Variants in KDM4C observed in about 807,000 individuals in gnomAD.
KDM4C encodes the protein lysine demethylase 4C.
A neutral mutation model predicts 129.3 loss-of-function variants in KDM4C; 81 were observed. The observed-to-expected ratio is 0.63, with a 90% CI of 0.52 to 0.75. KDM4C has a LOEUF of 0.75. Among genes scored for constraint, KDM4C ranks in the 30% least tolerant of loss-of-function variants. The probability of loss-of-function intolerance (pLI) is 0.00; values close to 1 mark genes in which losing one functional copy is unlikely to be tolerated. For missense variants in KDM4C, 1,457 were observed against 1,304.0 expected (o/e 1.12, Z -1.81); for synonymous variants, 573 against 456.1 (o/e 1.26, Z -3.26).
At position 6,831,342 on chromosome 9, in the gene KDM4C, C is replaced by T. The variant is rs570975006; in HGVS notation, c.435+16597C>T. Among the ~76,000 whole-genome samples, 38 of 151,650 alleles carry T rather than the reference C, an allele frequency of 2.5e-4. No homozygotes were observed. In the South Asian group the frequency reaches 7.7e-3, roughly 31 times the overall value. ...ACCCATACTCCTCCCAATTCTTCTG[C>T]TTTCTTTATGATGAGATCTTTTTTA... On this transcript the variant is annotated intron_variant, in intron 4 of 21. Transcript: ENST00000381309.
At chr9:6,965,059 A>C (rs1259007738) in intron 8 of KDM4C, among the ~76,000 whole-genome samples, 1 of 152,010 alleles carries the variant, frequency 6.6e-6, no homozygotes, top group East Asian at 1.9e-4. Flanking sequence ...TTGAATGCGA[A>C]AGTTTAGAAA....
At chr9:7,142,871 G>T (rs1841888503) in intron 19 of KDM4C, among the ~76,000 whole-genome samples, 1 of 152,088 alleles carries the variant, frequency 6.6e-6, no homozygotes, top group Non-Finnish European at 1.5e-5. Flanking sequence ...GTGTGTGTGT[G>T]TGTACACACA....
chr9:6,738,752 C>T (rs1588048320), intron 1 of KDM4C, among the ~76,000 whole-genome samples: 1 of 151,050 alleles, frequency 6.6e-6, no homozygotes, highest in African/African-American at 2.4e-5. Flanking sequence ...ACTAATTTTT[C>T]TTTTCTTTTC....
At chr9:7,167,537 A>T (rs190475771) in intron 20 of KDM4C, among the ~76,000 whole-genome samples, 1 of 152,370 alleles carries the variant, frequency 6.6e-6, no homozygotes, top group Non-Finnish European at 1.5e-5. Context: ...TTCTGCTCAA[A>T]CAAGGCCAGG....
chr9:6,752,003 C>G (rs1818076133), intron 1 of KDM4C, among the ~76,000 whole-genome samples: 1 of 152,070 alleles, frequency 6.6e-6, no homozygotes, highest in African/African-American at 2.4e-5. Context: ...GGAGCTACTG[C>G]TGGAGAGATT....
At chr9:7,049,545 C>G (rs1829863034) in intron 17 of KDM4C, among the ~76,000 whole-genome samples, 1 of 152,078 alleles carries the variant, frequency 6.6e-6, no homozygotes, top group Non-Finnish European at 1.5e-5. Flanking sequence ...ATTTTTCTCT[C>G]TTGACTCTCT....
chr9:6,996,621 A>G (rs10975953), intron 12 of KDM4C, among the ~76,000 whole-genome samples: 2,023 of 152,312 alleles, frequency 0.013, 22 homozygotes, highest in East Asian at 0.027. Flanking sequence ...GCTAGTGTAC[A>G]GAGGACGTCG....
At chr9:6,920,780 G>A (rs764320165) in intron 8 of KDM4C, among the ~76,000 whole-genome samples, 1 of 152,098 alleles carries the variant, frequency 6.6e-6, no homozygotes, top group African/African-American at 2.4e-5. Flanking sequence ...CATTTGTTCT[G>A]CTTGGTGGGT....
intron 19 of KDM4C, among the ~76,000 whole-genome samples, chr9:7,150,915 T>C (rs1262827884): frequency 6.6e-6 from 1 of 152,214 alleles, no homozygotes; most frequent in African/African-American, 2.4e-5. Flanking sequence ...AATGCTATAA[T>C]AACTTCCAGA....
At chr9:7,134,237 C>T (rs1366155228) in intron 19 of KDM4C, among the ~76,000 whole-genome samples, 2 of 152,154 alleles carry the variant, frequency 1.3e-5, no homozygotes, top group Non-Finnish European at 2.9e-5. Flanking sequence ...GTTGGGAATC[C>T]GTGAGATGAA....
At chr9:6,792,204 A>G (rs1826789019) in intron 1 of KDM4C, among the ~76,000 whole-genome samples, 1 of 150,954 alleles carries the variant, frequency 6.6e-6, no homozygotes, top group Non-Finnish European at 1.5e-5. Context: ...GTAGCCCGGC[A>G]TGGTGGCGGG....
At position 6,984,325 on chromosome 9, in the gene KDM4C, A is replaced by G; in HGVS notation, c.1275A>G (p.Thr425=). 6.2e-7 allele frequency: 1 copy of G among 1,614,120 alleles called. No individual in the cohort carries two copies. The highest frequency in any genetic ancestry group is 1.3e-5 in the African/African-American group (1 of 75,070). The change falls in exon 10 of 22, where the codon ACA becomes ACG. Residue 425 remains threonine (T), a synonymous_variant. Coordinates refer to ENST00000381309, the MANE Select transcript of KDM4C (RefSeq NM_015061.6). ...KSEAAVKLRN[T]EASSEEESSA... is the part of the protein sequence containing the mutation. Reference sequence around the variant, plus strand: ...AAGCAGCAGTGAAGCTGAGGAACACAGAAGCATCTTCAGAAGAAGAGTCAT... The same window carrying G: ...AAGCAGCAGTGAAGCTGAGGAACACGGAAGCATCTTCAGAAGAAGAGTCAT...
intron 1 of KDM4C, among the ~76,000 whole-genome samples, chr9:6,767,921 T>A (rs888849764): frequency 7.2e-5 from 11 of 152,266 alleles, no homozygotes; most frequent in African/African-American, 2.4e-4. Context: ...ATAATTTTAT[T>A]TATTTTTCTA....
intron 15 of KDM4C, among the ~76,000 whole-genome samples, chr9:7,044,499 A>G (rs140167530): frequency 1.2e-4 from 18 of 152,090 alleles, no homozygotes; most frequent in African/African-American, 4.3e-4. Flanking sequence ...GATGGCAGTG[A>G]TGATGGAGAG....
intron 12 of KDM4C, among the ~76,000 whole-genome samples, chr9:6,994,662 C>T (rs561610541): frequency 1.5e-4 from 23 of 152,274 alleles, no homozygotes; most frequent in African/African-American, 5.1e-4. Context: ...TACTTGAAAT[C>T]AGCCATTAAA....
Position 7,169,839 on chromosome 9 carries a change from G to A in KDM4C, c.2943G>A (p.Glu981=). 1 of 1,611,352 alleles carries A rather than the reference G, an allele frequency of 6.2e-7. No homozygotes were observed. Among genetic ancestry groups the A allele is most frequent in the South Asian group, 1.1e-5 (1 of 90,942 alleles). The change falls in exon 21 of 22, where the codon GAG becomes GAA. Residue 981 remains glutamate, a synonymous_variant. Coordinates refer to ENST00000381309, the MANE Select transcript of KDM4C (RefSeq NM_015061.6). ...EDGSQIAMKR[E]DIYTLDEELP... ...GATCCCAGATAGCAATGAAGAGAGA[G>A]GACATCTACACTTTAGATGAAGAGT...
At chr9:6,834,930 T>G in intron 4 of KDM4C, 1 of 1,137,948 alleles carries the variant, frequency 8.8e-7, no homozygotes, top group South Asian at 1.2e-5. Flanking sequence ...GGTGACGGGG[T>G]CACCCACAGT....
chr9:7,051,758 A>G (rs977096046), intron 17 of KDM4C, among the ~76,000 whole-genome samples: 1 of 152,322 alleles, frequency 6.6e-6, no homozygotes, highest in Admixed American at 6.5e-5. Flanking sequence ...ACAACTGGAA[A>G]ATAATAAGAA....
intron 15 of KDM4C, among the ~76,000 whole-genome samples, chr9:7,018,830 A>G (rs1158483116): frequency 1.3e-5 from 2 of 152,248 alleles, no homozygotes; most frequent in Admixed American, 6.5e-5. Context: ...GACTTAAAGC[A>G]TCTTTCTATT....
Sources: allele counts gnomAD v4.1 joint callset (sites outside exome capture counted in the v4.1 genomes callset), GRCh38; gene constraint gnomAD v4.1.1; transcripts MANE v1.5; gene names NCBI Gene and HGNC (gene_info 2026-07-23, HGNC 2026-07-21).